Variants in SLC39A11 observed in about 807,000 individuals in gnomAD.
The protein encoded by SLC39A11 is solute carrier family 39 member 11, also known as zinc transporter ZIP11.
Under a neutral mutation model 36.1 loss-of-function variants are expected in SLC39A11, and 33 were observed. The observed-to-expected ratio is 0.91, with a 90% CI of 0.69 to 1.22. SLC39A11 has a LOEUF of 1.22. Among genes scored for constraint, SLC39A11 ranks in the 50% most tolerant of loss-of-function variants. SLC39A11 has a pLI of 0.00. For missense variants in SLC39A11, 432 were observed against 430.3 expected, an observed-to-expected ratio of 1.00 and a Z score of -0.03; for synonymous variants, 166 against 170.3, an observed-to-expected ratio of 0.97 and a Z score of 0.20.
At chr17:72,865,314 G>A (rs1459655881) in intron 5 of SLC39A11, among the ~76,000 whole-genome samples, 2 of 149,030 alleles carry the variant, frequency 1.3e-5, no homozygotes, top group Non-Finnish European at 3.0e-5. Flanking sequence ...CCCCTATGCA[G>A]ACAGGTGAAA....
At chr17:72,909,071 G>A (rs8081948) in intron 5 of SLC39A11, among the ~76,000 whole-genome samples, 1 of 152,156 alleles carries the variant, frequency 6.6e-6, no homozygotes, top group Non-Finnish European at 1.5e-5. Context: ...CCTAAGAGCA[G>A]GTTGCCTCAG....
chr17:73,057,177 G>T (rs1471380830), intron 3 of SLC39A11, among the ~76,000 whole-genome samples: 1 of 152,042 alleles, frequency 6.6e-6, no homozygotes, highest in African/African-American at 2.4e-5. Flanking sequence ...TGTTGTCCAG[G>T]CTGGTCTTGA....
rs564539764 is a variant in SLC39A11, at chr17:73,028,359, T to C, written c.306+3197A>G. ...CTCCGACCCCACAGAGCATCTTCGA[T>C]AGATCCAAGCTGCTGCCCTTTTCAG... On this transcript the variant is annotated intron_variant, in intron 4 of 9. Transcript: ENST00000255559. Among the ~76,000 whole-genome samples the C allele has an allele frequency of 9.8e-4, 149 of 152,302 alleles. 1 individual carries two copies. The highest frequency in any genetic ancestry group is 3.3e-3 in the African/African-American group (138 of 41,564).
rs995999808 is a variant in SLC39A11 at position 73,092,666 on chromosome 17, T to C, written c.-67A>G. 3 of 152,788 alleles carry C rather than the reference T, an allele frequency of 2.0e-5. No individual in the cohort carries two copies. The highest frequency in any genetic ancestry group is 4.4e-5 in the Non-Finnish European group (3 of 68,384). 9.5% of individuals were successfully genotyped at this position (152,788 alleles called of 1,614,324 possible). ...TCCATCAGCCCCCGCTGCCACTCTC[T>C]CGCCGGCTCCACTCCCGCAGTCACT... On this transcript the variant is annotated 5_prime_UTR_variant, in exon 1 of 10. Transcript: ENST00000255559.
At chr17:72,689,911 G>C (rs78901469) in intron 7 of SLC39A11, among the ~76,000 whole-genome samples, 2,967 of 152,268 alleles carry the variant, frequency 0.019, 101 homozygotes, top group African/African-American at 0.067. Context: ...GCCAATAAAT[G>C]GTTCACTTCC....
rs1259753870 is a variant in SLC39A11, at chr17:72,985,735, C to A, written c.307-37860G>T. Among the ~76,000 whole-genome samples the A allele has an allele frequency of 8.5e-5, 13 of 152,206 alleles. No homozygotes were observed. The Middle Eastern group carries it at 0.01, about 119-fold the overall frequency. On this transcript the variant is annotated intron_variant, in intron 4 of 9. Transcript: ENST00000255559. Reference sequence around the variant, plus strand: ...GCCAGGCCTAACTTTTTATTACTGTCTTTTATTTATTAATCTTCCTGCAAT... The same window carrying A: ...GCCAGGCCTAACTTTTTATTACTGTATTTTATTTATTAATCTTCCTGCAAT...
rs769924632 is a variant in SLC39A11, at chr17:72,849,743, C to G, written c.492G>C (p.Glu164Asp). Reference sequence around the variant, plus strand: ...GAGAAGGCACAGGGACAGCAGGACCCTCTGGAAGGCCAGTGGCTGCCGCCT... The same window carrying G: ...GAGAAGGCACAGGGACAGCAGGACCGTCTGGAAGGCCAGTGGCTGCCGCCT... ...RKKAAATGLPEGPAVPVPSRG... is the reference protein window; with the variant it reads ...RKKAAATGLPDGPAVPVPSRG... The change falls in exon 6 of 10, where the codon GAG becomes GAC. Residue 164 changes from glutamate (E) to aspartate (D), a missense_variant. Glu to Asp is a conservative substitution (Grantham distance 45, BLOSUM62 2). Coordinates refer to ENST00000255559, the MANE Select transcript of SLC39A11 (RefSeq NM_139177.4). 2 of 1,609,638 alleles carry G rather than the reference C, an allele frequency of 1.2e-6. No homozygotes were observed. Among genetic ancestry groups the G allele is most frequent in the Non-Finnish European group, 1.7e-6 (2 of 1,178,568 alleles).
At chr17:73,083,047 C>T (rs1251716253) in intron 3 of SLC39A11, among the ~76,000 whole-genome samples, 4 of 147,004 alleles carry the variant, frequency 2.7e-5, no homozygotes, top group East Asian at 4.0e-4. Context: ...GGACTTATGC[C>T]CAGTGATTAG....
intron 6 of SLC39A11, among the ~76,000 whole-genome samples, chr17:72,843,019 G>A (rs577547089): frequency 2.6e-5 from 4 of 152,108 alleles, no homozygotes; most frequent in South Asian, 2.1e-4. Context: ...GTGCGATCTC[G>A]GCTCACTGCA....
intron 6 of SLC39A11, among the ~76,000 whole-genome samples, chr17:72,765,418 C>T (rs1015179342): frequency 2.0e-5 from 3 of 152,202 alleles, no homozygotes; most frequent in South Asian, 2.1e-4. Flanking sequence ...ATTGGAAAGG[C>T]TGAATTAAGG....
At chr17:72,943,760 A>G (rs1246500391) in intron 5 of SLC39A11, among the ~76,000 whole-genome samples, 1 of 152,226 alleles carries the variant, frequency 6.6e-6, no homozygotes, top group Non-Finnish European at 1.5e-5. Flanking sequence ...AAATTCACCA[A>G]TAATAATAGT....
intron 4 of SLC39A11, among the ~76,000 whole-genome samples, chr17:72,970,307 T>G (rs991231886): frequency 6.6e-5 from 10 of 152,208 alleles, no homozygotes; most frequent in Admixed American, 2.0e-4. Flanking sequence ...CTGCTTCTCA[T>G]GGTCACAACT....
chr17:72,650,535 G>A (rs868407459), intron 7 of SLC39A11, among the ~76,000 whole-genome samples: 3 of 152,290 alleles, frequency 2.0e-5, no homozygotes, highest in South Asian at 2.1e-4. Context: ...GAGTGCCTTA[G>A]GAAGGCCCTT....
chr17:72,824,219 A>G (rs1259773242), intron 6 of SLC39A11, among the ~76,000 whole-genome samples: 1 of 150,776 alleles, frequency 6.6e-6, no homozygotes, highest in African/African-American at 2.4e-5. Context: ...GTTCTCATGA[A>G]ATCTCATTGT....
Position 72,743,754 on chromosome 17 carries a change from A to T in SLC39A11, c.602-7035T>A, listed in dbSNP as rs566104117. Among the ~76,000 whole-genome samples, 9 of 152,260 alleles carry T rather than the reference A, an allele frequency of 5.9e-5. No homozygotes were observed. The East Asian group carries it at 7.8e-4, about 13-fold the overall frequency. On this transcript the variant is annotated intron_variant, in intron 6 of 9. Transcript: ENST00000255559. ...CGGTAGAAAGAACTCACTGGGGGGA[A>T]AAGGAAAGGAGGAAAAATGCTGACT...
In SLC39A11 at chr17:72,679,412, A is replaced by C. The variant is rs142544976; in HGVS notation, c.672-30144T>G. Among the ~76,000 whole-genome samples, 113 of 152,302 alleles carry C rather than the reference A, an allele frequency of 7.4e-4. 2 individuals are homozygous for C. The East Asian group carries it at 0.019, about 26-fold the overall frequency. ...ATTACCTATCAATTAAAAATAAAAT[A>C]AAAGAATAGTGCTTGAATCCCTGTC... On this transcript the variant is annotated intron_variant, in intron 7 of 9. Transcript: ENST00000255559.
At chr17:73,060,283 G>A (rs1472266514) in intron 3 of SLC39A11, among the ~76,000 whole-genome samples, 1 of 151,138 alleles carries the variant, frequency 6.6e-6, no homozygotes, top group Non-Finnish European at 1.5e-5. Flanking sequence ...AAGTTGGGGG[G>A]TTTCTTTACC....
At chr17:72,676,918 T>C (rs2071285541) in intron 7 of SLC39A11, among the ~76,000 whole-genome samples, 1 of 152,172 alleles carries the variant, frequency 6.6e-6, no homozygotes, top group Non-Finnish European at 1.5e-5. Flanking sequence ...CTGGTGTAAC[T>C]CCCCTGGAAG....
At chr17:72,669,953 CAT>C (rs554284850) in intron 7 of SLC39A11, among the ~76,000 whole-genome samples, 110 of 145,160 alleles carry the variant, frequency 7.6e-4, no homozygotes, top group African/African-American at 2.0e-3. Flanking sequence ...TGTATATACA[CAT>C]ATATATACGT....
Sources: gnomAD v4.1 joint callset for allele counts (sites outside exome capture counted in the v4.1 genomes callset) on GRCh38, gnomAD v4.1.1 for gene constraint, MANE v1.5 for transcripts, NCBI Gene and HGNC (gene_info 2026-07-23, HGNC 2026-07-21) for gene names.